The following SH3TC2 variants were observed in gnomAD, a reference collection of about 807,000 sequenced individuals.
The protein encoded by SH3TC2 is SH3 domain and tetratricopeptide repeat-containing protein 2.
A neutral mutation model predicts 124.5 loss-of-function variants in SH3TC2; 87 were observed. The observed-to-expected ratio is 0.70, with a 90% confidence interval of 0.59 to 0.84. The LOEUF is 0.84. SH3TC2 is among the 40% of genes least tolerant of loss of function. The pLI, the probability that SH3TC2 is intolerant of heterozygous loss-of-function variation, is 0.00. For missense variants in SH3TC2, 1,536 were observed against 1,566.4 expected (o/e 0.98, Z 0.33); for synonymous variants, 634 against 628.5 (o/e 1.01, Z -0.13).
rs1396772557 is a variant in SH3TC2 at position 148,997,470 on chromosome 5, C to G, written c.*7241G>C. On this transcript the variant is annotated 3_prime_UTR_variant, in exon 17 of 17. Transcript: ENST00000515425. ...GTTACCTGACTGTGGTCAACAATAA[C>G]ACCAGTATTTCTTTTTCAAGACCTC... Among the ~76,000 whole-genome samples, 1 of 152,206 alleles carries G rather than the reference C, an allele frequency of 6.6e-6. No individual in the cohort carries two copies. Among genetic ancestry groups the G allele is most frequent in the Admixed American group, 6.5e-5 (1 of 15,282 alleles).
rs1045476995 is a variant in SH3TC2, at chr5:149,002,538, A to G, written c.*2173T>C. The stretch of plus-strand genomic sequence containing the variant: ...TAAGAGAAAATGTGTGCCAATTAGT[A>G]GACAACCTTGATGACTAGAAGATGC... On this transcript the variant is annotated 3_prime_UTR_variant, in exon 17 of 17. Transcript: ENST00000515425. The G allele has an allele frequency of 6.6e-6, 1 of 152,286 alleles. No homozygotes were observed. The highest frequency in any genetic ancestry group is 3.1e-3 in the Middle Eastern group (1 of 318). The allele number at this position is 152,286 out of a possible 1,614,324, so 9.4% of individuals were successfully genotyped here.
chr5:149,018,417 T>A (rs549849609), intron 12 of SH3TC2, among the ~76,000 whole-genome samples: 1 of 152,088 alleles, frequency 6.6e-6, no homozygotes, highest in Non-Finnish European at 1.5e-5. Flanking sequence ...AAAAAGAGGT[T>A]TAATGGACTC....
chr5:149,039,701 T>C (rs1233163665), intron 7 of SH3TC2, among the ~76,000 whole-genome samples: 6 of 152,184 alleles, frequency 3.9e-5, no homozygotes, highest in Non-Finnish European at 8.8e-5. Context: ...AATGAGGAAG[T>C]TGCAACATAG....
intron 16 of SH3TC2, 67 bp from the exon 17 acceptor site, chr5:149,004,969 G>C: frequency 1.3e-6 from 2 of 1,557,246 alleles, no homozygotes; most frequent in Non-Finnish European, 1.8e-6. Context: ...AGGCTAGGAG[G>C]CTGTGCTGGC....
chr5:149,047,768 T>G (rs1342093872), intron 3 of SH3TC2, 94 bp downstream of exon 3: 38 of 1,533,042 alleles, frequency 2.5e-5, no homozygotes, highest in Non-Finnish European at 3.1e-5. Flanking sequence ...TCCGAGGACC[T>G]ACTTTGTTCC....
chr5:149,027,764 G>A lies in SH3TC2; in HGVS notation c.1968C>T (p.Ala656=), dbSNP rs114797709. ...LGRHEEVLPF[A]ERLQLLSGHP... is the part of the protein sequence containing the mutation. ...GTCCAGAGAGGAGCTGCAGGCGCTC[G>A]GCAAAGGGCAGGACCTCCTCGTGCC... Residue 656 remains alanine (A), a synonymous_variant, in exon 11 of 17, where the codon GCC becomes GCT. Transcript: ENST00000515425. 1.1e-5 allele frequency: 17 copies of A among 1,613,966 alleles called. No individual in the cohort carries two copies. The highest frequency in any genetic ancestry group is 3.3e-4 in the Middle Eastern group (2 of 5,976).
chr5:148,994,375 T>C lies in SH3TC2; in HGVS notation c.*10336A>G, dbSNP rs914560440. Reference sequence around the variant, plus strand: ...AATGATATAATAAGAGTATAACCTTTAGTACAGTGTTTGAGGTAAAAGTGC... The same window carrying C: ...AATGATATAATAAGAGTATAACCTTCAGTACAGTGTTTGAGGTAAAAGTGC... On this transcript the variant is annotated 3_prime_UTR_variant, in exon 17 of 17. Coordinates refer to ENST00000515425, the MANE Select transcript of SH3TC2 (RefSeq NM_024577.4). 3.3e-5 allele frequency among the ~76,000 whole-genome samples: 5 copies of C among 152,174 alleles called. No individual in the cohort carries two copies. The highest frequency in any genetic ancestry group is 1.2e-4 in the African/African-American group (5 of 41,438).
intron 14 of SH3TC2, among the ~76,000 whole-genome samples, chr5:149,009,688 C>T (rs1753752049): frequency 6.6e-6 from 1 of 152,164 alleles, no homozygotes; most frequent in South Asian, 2.1e-4. Context: ...ACAACAATCA[C>T]AATTTTTGAC....
chr5:149,023,514 G>A (rs1754010754), intron 12 of SH3TC2, among the ~76,000 whole-genome samples: 1 of 150,900 alleles, frequency 6.6e-6, no homozygotes, highest in Non-Finnish European at 1.5e-5. Context: ...CTTCAGGAAA[G>A]TATCAAGGAA....
intron 15 of SH3TC2, chr5:149,007,515 C>G: frequency 3.1e-6 from 1 of 326,076 alleles, no homozygotes; most frequent in African/African-American, 2.1e-5. Flanking sequence ...CAATAAATCA[C>G]TCTGTATAAT....
At position 149,026,941 on chromosome 5, in the gene SH3TC2, C is replaced by G. The variant is rs1201662605; in HGVS notation, c.2791G>C (p.Val931Leu). The change falls in exon 11 of 17, where the codon GTG becomes CTG. Residue 931 changes from valine to leucine, a missense_variant. Val to Leu is a conservative substitution (Grantham distance 32). Transcript: ENST00000515425. ...CCATGGGTCAGCTGGTGTCCAGACA[C>G]CAGAACTTGGGCCAACCAGAGAAAC... is the stretch of plus-strand genomic sequence containing the variant. ...QVFLWLAQVL[V>L]SGHQLTHGLL... The G allele has an allele frequency of 2.0e-5, 33 of 1,614,182 alleles. No individual in the cohort carries two copies. In the East Asian group the frequency reaches 7.4e-4, roughly 36 times the overall value.
Position 149,016,953 on chromosome 5 carries a change from C to T in SH3TC2, c.3054-4219G>A, listed in dbSNP as rs140483601. Among the ~76,000 whole-genome samples, 1,218 of 151,466 alleles carry T rather than the reference C, an allele frequency of 8.0e-3. 18 individuals carry two copies. The highest frequency in any genetic ancestry group is 0.028 in the African/African-American group (1,171 of 41,294). On this transcript the variant is annotated intron_variant, in intron 12 of 16. Coordinates refer to ENST00000515425, the MANE Select transcript of SH3TC2 (RefSeq NM_024577.4). Reference sequence around the variant, plus strand: ...AAAAAAAAAAAAAAAAGAATAAAAGCCAGGAGCAATGACTGCTAGGCTACT... The same window carrying T: ...AAAAAAAAAAAAAAAAGAATAAAAGTCAGGAGCAATGACTGCTAGGCTACT...
intron 3 of SH3TC2, chr5:149,047,320 T>C (rs1198597695): frequency 6.3e-6 from 1 of 159,852 alleles, no homozygotes; most frequent in Non-Finnish European, 1.4e-5. Context: ...ACTTAGCGGT[T>C]ACCAGGAGCT....
Position 148,985,955 on chromosome 5 carries a change from G to A in SH3TC2, c.*18756C>T, listed in dbSNP as rs1208609856. 2.0e-5 allele frequency among the ~76,000 whole-genome samples: 3 copies of A among 152,106 alleles called. No homozygotes were observed. Among genetic ancestry groups the A allele is most frequent in the South Asian group, 2.1e-4 (1 of 4,824 alleles). On this transcript the variant is annotated 3_prime_UTR_variant, in exon 17 of 17. Transcript: ENST00000515425. ...GCAAAGTAACCTATAGATACCACTC[G>A]ATCATTTTTCTGACATGAGACTTAC...
At chr5:149,007,212 A>G in intron 15 of SH3TC2, 135 bp from the exon 16 acceptor site, 1 of 782,360 alleles carries the variant, frequency 1.3e-6, no homozygotes, top group Non-Finnish European at 2.2e-6. Flanking sequence ...AATAAGACAG[A>G]AGAGGTGCCT....
At chr5:149,020,453 A>G (rs191761233) in intron 12 of SH3TC2, among the ~76,000 whole-genome samples, 1 of 152,328 alleles carries the variant, frequency 6.6e-6, no homozygotes, top group Non-Finnish European at 1.5e-5. Flanking sequence ...CAGAGAAAAA[A>G]TAGCAAAATT....
Position 149,027,900 on chromosome 5 carries a change from T to C in SH3TC2, c.1832A>G (p.His611Arg), listed in dbSNP as rs1252838387. The C allele has an allele frequency of 6.8e-6, 11 of 1,613,890 alleles. No homozygotes were observed. Among genetic ancestry groups the C allele is most frequent in the Non-Finnish European group, 9.3e-6 (11 of 1,180,036 alleles). ...CLPDRESSAK[H>R]ELDVVAYVLR... ...CACGTAGGCCACCACGTCGAGTTCA[T>C]GCTTGGCACTAGACTCACGGTCAGG... The change falls in exon 11 of 17, where the codon CAT (histidine) becomes CGT (arginine). Residue 611 changes from histidine (H) to arginine (R), a missense_variant. Coordinates refer to ENST00000515425, the MANE Select transcript of SH3TC2 (RefSeq NM_024577.4).
At position 148,985,868 on chromosome 5, in the gene SH3TC2, A is replaced by T. The variant is rs1293260743; in HGVS notation, c.*18843T>A. On this transcript the variant is annotated 3_prime_UTR_variant, in exon 17 of 17. Transcript: ENST00000515425. ...TCAATGTGTGGAATGTCATTTTTAT[A>T]TAGATTTGGCCCACTATCATATCTC... Among the ~76,000 whole-genome samples the T allele has an allele frequency of 2.0e-5, 3 of 152,188 alleles. No homozygotes were observed. The highest frequency in any genetic ancestry group is 2.9e-5 in the Non-Finnish European group (2 of 68,016).
chr5:149,028,378 G>C lies in SH3TC2; in HGVS notation c.1354C>G (p.Leu452Val), dbSNP rs771409377. 1 of 1,614,174 alleles carries C rather than the reference G, an allele frequency of 6.2e-7. No individual in the cohort carries two copies. Among genetic ancestry groups the C allele is most frequent in the African/African-American group, 1.3e-5 (1 of 75,070 alleles). ...TGACCAGTGCTTAGGTCCATGAGCAGTTCCGGGTCATCAAGGTCATCAGGC... is the reference window on the plus strand; with the variant it reads ...TGACCAGTGCTTAGGTCCATGAGCACTTCCGGGTCATCAAGGTCATCAGGC... The part of the protein sequence containing the change: ...PEPDDLDDPE[L>V]LMDLSTGQEE... Residue 452 changes from leucine (L) to valine (V), a missense_variant, in exon 11 of 17, where the codon CTG becomes GTG. Leu to Val is a conservative substitution (Grantham distance 32). This residue lies in a region of SH3TC2 where 1,102 missense variants were observed against 1,098.6 expected (regional missense o/e 1.00). Coordinates refer to ENST00000515425, the MANE Select transcript of SH3TC2 (RefSeq NM_024577.4).
Sources: gnomAD v4.1 joint callset for allele counts (sites outside exome capture counted in the v4.1 genomes callset) on GRCh38, gnomAD v4.1.1 for gene constraint, gnomAD v4.1.1 regional missense constraint, MANE v1.5 for transcripts, NCBI Gene and HGNC (gene_info 2026-07-23, HGNC 2026-07-21) for gene names.